The following KAT14 variants were observed in gnomAD, a reference collection of about 807,000 sequenced individuals.
KAT14 encodes the protein cysteine-rich protein 2-binding protein.
KAT14 carries 66 observed loss-of-function variants against 78.4 expected under a neutral mutation model. The ratio of observed to expected loss-of-function variants is 0.84; its 90% confidence interval spans 0.69 to 1.03. The LOEUF is 1.03. KAT14 is among the 50% of genes least tolerant of loss of function. The pLI is 0.00. For missense variants in KAT14, 870 were observed against 972.5 expected, an observed-to-expected ratio of 0.89 and a Z score of 1.40; for synonymous variants, 344 against 359.4, an observed-to-expected ratio of 0.96 and a Z score of 0.48.
At chr20:18,141,044 TTTA>T (rs1380217824) in intron 1 of KAT14, among the ~76,000 whole-genome samples, 204 of 34,894 alleles carry the variant, frequency 5.8e-3, no homozygotes, top group African/African-American at 0.014. Context: ...TTTTTTTTTT[TTTA>T]TTTTTATTTT....
In KAT14 at chr20:18,145,262, A is replaced by G. The variant is rs200978179; in HGVS notation, c.289A>G (p.Lys97Glu). The G allele has an allele frequency of 6.2e-7, 1 of 1,614,160 alleles. No homozygotes were observed. The highest frequency in any genetic ancestry group is 1.3e-5 in the African/African-American group (1 of 75,052). ...SQLREQLSYL[K>E]GDNFFRFTCS... ...GCTGAGGGAACAGCTCAGTTACCTTAAGGGTGATAATTTTTTTAGGTTTAC... is the reference window on the plus strand; with the variant it reads ...GCTGAGGGAACAGCTCAGTTACCTTGAGGGTGATAATTTTTTTAGGTTTAC... The change falls in exon 3 of 11, where the codon AAG (lysine) becomes GAG (glutamate). Residue 97 changes from lysine to glutamate, a missense_variant. Physicochemically the swap from Lys to Glu is moderately conservative, Grantham distance 56. Transcript: ENST00000688188.
intron 7 of KAT14, among the ~76,000 whole-genome samples, chr20:18,172,062 A>G (rs1420698789): frequency 6.6e-6 from 1 of 152,110 alleles, no homozygotes; most frequent in Non-Finnish European, 1.5e-5. Flanking sequence ...TTTTTCTTAG[A>G]CATAATGCTG....
At chr20:18,137,748 G>GTGAA (rs2037345599), upstream of KAT14, 7 of 479,690 alleles carry the variant, frequency 1.5e-5, no homozygotes, top group Non-Finnish European at 1.8e-5. Flanking sequence ...GAGGCCCCTA[G>GTGAA]TGAAGCCAAG....
chr20:18,156,479 T>G (rs1477955554), intron 4 of KAT14, among the ~76,000 whole-genome samples: 6 of 152,212 alleles, frequency 3.9e-5, no homozygotes, highest in Non-Finnish European at 8.8e-5. Context: ...GGCAACAAAT[T>G]TATTCCATTC....
chr20:18,143,096 G>A lies in KAT14; in HGVS notation c.259+177G>A, dbSNP rs900719164. On this transcript the variant is annotated intron_variant, in intron 2 of 10. Transcript: ENST00000688188. ...ATAGGCATGTTTGTACTAATGAAAC[G>A]TACTGTCAACCTCTATCACATTGTT... 32 of 1,391,862 alleles carry A rather than the reference G, an allele frequency of 2.3e-5. No homozygotes were observed. In the East Asian group the frequency reaches 3.9e-4, roughly 17 times the overall value. 86.2% of individuals were successfully genotyped at this position (1,391,862 alleles called of 1,614,324 possible).
Position 18,183,209 on chromosome 20 carries a change from C to T in KAT14, c.1892C>T (p.Pro631Leu), listed in dbSNP as rs200943908. 9.7e-5 allele frequency: 157 copies of T among 1,614,108 alleles called. No individual in the cohort carries two copies. The highest frequency in any genetic ancestry group is 2.1e-4 in the African/African-American group (16 of 75,012). ...CACAGGAGCGACCCTCACTGGACGC[C>T]GGAGCCCGACGCACCTCTCGATTAC... is the stretch of plus-strand genomic sequence containing the variant. ...HLHRSDPHWT[P>L]EPDAPLDYCY... Residue 631 changes from proline (P) to leucine (L), a missense_variant, in exon 9 of 11, where the codon CCG (proline) becomes CTG (leucine). By Grantham distance (98) the Pro-to-Leu change is moderately conservative. Coordinates refer to ENST00000688188, the MANE Select transcript of KAT14 (RefSeq NM_001392073.1).
chr20:18,150,572 T>C (rs1339289194), intron 3 of KAT14, among the ~76,000 whole-genome samples: 1 of 152,174 alleles, frequency 6.6e-6, no homozygotes, highest in Non-Finnish European at 1.5e-5. Context: ...ACATTAGCCC[T>C]GCATGTGTGG....
chr20:18,166,454 T>C (rs888451248), intron 7 of KAT14, among the ~76,000 whole-genome samples: 37 of 152,186 alleles, frequency 2.4e-4, no homozygotes, highest in African/African-American at 8.4e-4. Context: ...TGTCCAACGG[T>C]TACAGAGGAT....
intron 7 of KAT14, among the ~76,000 whole-genome samples, chr20:18,176,100 A>G (rs1439878694): frequency 6.6e-6 from 1 of 151,632 alleles, no homozygotes; most frequent in African/African-American, 2.4e-5. Context: ...TCAGGAGTTC[A>G]AGACCAGCCT....
chr20:18,153,645 G>A (rs937252809), intron 4 of KAT14, among the ~76,000 whole-genome samples: 2 of 152,160 alleles, frequency 1.3e-5, no homozygotes, highest in East Asian at 1.9e-4. Context: ...AATCAGCTGA[G>A]CCTTATTTCT....
intron 7 of KAT14, among the ~76,000 whole-genome samples, chr20:18,175,886 G>A (rs1180823446): frequency 7.3e-5 from 11 of 151,684 alleles, no homozygotes; most frequent in Non-Finnish European, 1.6e-4. Flanking sequence ...GCCAGGTGTG[G>A]TGACATGTGC....
At chr20:18,141,646 G>T (rs191696491) in intron 1 of KAT14, among the ~76,000 whole-genome samples, 5 of 152,312 alleles carry the variant, frequency 3.3e-5, no homozygotes, top group African/African-American at 1.2e-4. Flanking sequence ...CACTTTGGGA[G>T]GCTGAGGCAG....
chr20:18,142,361 G>T lies in KAT14; in HGVS notation c.-300G>T. On this transcript the variant is annotated 5_prime_UTR_variant, in exon 2 of 11. The change abolishes the stop of an existing upstream ORF in the 5' untranslated region. Transcript: ENST00000688188. Reference sequence around the variant, plus strand: ...AAAAGGATCTCAAAAATCATGACTTGAATGTGAAATATCTGTTGGACAGAC... The same window carrying T: ...AAAAGGATCTCAAAAATCATGACTTTAATGTGAAATATCTGTTGGACAGAC... 1 of 1,535,720 alleles carries T rather than the reference G, an allele frequency of 6.5e-7. No individual in the cohort carries two copies. The highest frequency in any genetic ancestry group is 1.2e-5 in the South Asian group (1 of 83,940).
At chr20:18,185,259 G>C (rs925210832) in intron 10 of KAT14, among the ~76,000 whole-genome samples, 14 of 152,124 alleles carry the variant, frequency 9.2e-5, no homozygotes, top group African/African-American at 3.4e-4. Context: ...CTGTCACCCA[G>C]ACTGGAGTTG....
At chr20:18,138,876 C>T (rs1390324092) in intron 1 of KAT14, among the ~76,000 whole-genome samples, 1 of 152,228 alleles carries the variant, frequency 6.6e-6, no homozygotes, top group Non-Finnish European at 1.5e-5. Flanking sequence ...GGAAACTCCA[C>T]TCTTCCAGAG....
At chr20:18,175,548 A>G (rs2039007711) in intron 7 of KAT14, among the ~76,000 whole-genome samples, 1 of 151,724 alleles carries the variant, frequency 6.6e-6, no homozygotes, top group South Asian at 2.1e-4. Context: ...CTTCCCTCTC[A>G]TGTCTGTAGC....
chr20:18,150,736 A>G, intron 3 of KAT14, 85 bp from the exon 4 acceptor site: 4 of 1,586,298 alleles, frequency 2.5e-6, no homozygotes, highest in Non-Finnish European at 3.4e-6. Context: ...TACTCAGAAT[A>G]TAAAACAGAA....
chr20:18,166,291 A>G (rs1460914432), intron 7 of KAT14, among the ~76,000 whole-genome samples: 1 of 152,176 alleles, frequency 6.6e-6, no homozygotes, highest in African/African-American at 2.4e-5. Context: ...CACAATCTTA[A>G]ACTGATACCC....
Position 18,162,232 on chromosome 20 carries a change from G to A in KAT14, c.1092G>A (p.Leu364=), listed in dbSNP as rs371935425. Residue 364 remains leucine, a synonymous_variant, in exon 6 of 11, where the codon TTG becomes TTA. Coordinates refer to ENST00000688188, the MANE Select transcript of KAT14 (RefSeq NM_001392073.1). Reference sequence around the variant, plus strand: ...CAGATGTGATGCCCCCACAAGCCTTGTTTCATGGTAAGAGTTTGTTTGCTT... The same window carrying A: ...CAGATGTGATGCCCCCACAAGCCTTATTTCATGGTAAGAGTTTGTTTGCTT... ...LIPDVMPPQA[L]FHDDDEMEGD... 6.2e-7 allele frequency: 1 copy of A among 1,613,824 alleles called. No individual in the cohort carries two copies.
Sources: gnomAD v4.1 joint callset for allele counts (sites outside exome capture counted in the v4.1 genomes callset) on GRCh38, gnomAD v4.1.1 for gene constraint, MANE v1.5 for transcripts, NCBI Gene and HGNC (gene_info 2026-07-23, HGNC 2026-07-21) for gene names.